The following UBE2W variants were observed in gnomAD, a reference collection of about 807,000 sequenced individuals.
UBE2W encodes ubiquitin-conjugating enzyme E2 W.
A neutral mutation model predicts 27.2 loss-of-function variants in UBE2W; 18 were observed. The observed-to-expected ratio is 0.66, with a 90% confidence interval of 0.46 to 0.98. The LOEUF is 0.98. UBE2W is among the 50% of genes least tolerant of loss of function. UBE2W has a pLI of 0.00. For missense variants in UBE2W, 90 were observed against 180.2 expected (o/e 0.50, Z 2.87); for synonymous variants, 53 against 57.2 (o/e 0.93, Z 0.33).
At position 73,790,617 on chromosome 8, in the gene UBE2W, A is replaced by C. The variant is rs1586433079; in HGVS notation, c.*3485T>G. 1.0e-6 allele frequency: 1 copy of C among 985,014 alleles called. No individual in the cohort carries two copies. Among genetic ancestry groups the C allele is most frequent in the Non-Finnish European group, 1.2e-6 (1 of 829,638 alleles). 61.0% of individuals were successfully genotyped at this position (985,014 alleles called of 1,614,324 possible). A position where few individuals can be genotyped will look rare whatever the true frequency, so the allele number is the denominator to read the frequency against. ...TAACCATAAAGGCTTAGAACTAGTGACACTGAATTCTTTATTTAAAAAAAT... is the reference window on the plus strand; with the variant it reads ...TAACCATAAAGGCTTAGAACTAGTGCCACTGAATTCTTTATTTAAAAAAAT... On this transcript the variant is annotated 3_prime_UTR_variant, in exon 6 of 6. Coordinates refer to ENST00000602593, the MANE Select transcript of UBE2W (RefSeq NM_018299.6).
intron 1 of UBE2W, among the ~76,000 whole-genome samples, chr8:73,845,717 A>AT (rs910250753): frequency 4.0e-5 from 6 of 151,630 alleles, no homozygotes; most frequent in African/African-American, 1.2e-4. Context: ...TACTAAAAAA[A>AT]TTTAAAAAAA....
intron 1 of UBE2W, among the ~76,000 whole-genome samples, chr8:73,842,716 T>C (rs938771197): frequency 2.0e-5 from 3 of 151,992 alleles, no homozygotes; most frequent in African/African-American, 7.3e-5. Context: ...AAAAACACAT[T>C]CAATTATTTT....
chr8:73,812,579 T>A (rs1045313247), intron 3 of UBE2W, among the ~76,000 whole-genome samples: 1 of 152,240 alleles, frequency 6.6e-6, no homozygotes, highest in African/African-American at 2.4e-5. Flanking sequence ...ATGTACAGAA[T>A]GGGAGTTTAC....
chr8:73,799,918 C>A (rs1808568612), intron 5 of UBE2W, among the ~76,000 whole-genome samples: 1 of 152,062 alleles, frequency 6.6e-6, no homozygotes, highest in African/African-American at 2.4e-5. Context: ...AGGTGTTATA[C>A]TGGAACAAAG....
At chr8:73,866,288 AAAATATATATATATATATAT>A (rs1811764371) in intron 1 of UBE2W, among the ~76,000 whole-genome samples, 1 of 80,344 alleles carries the variant, frequency 1.2e-5, no homozygotes, top group South Asian at 4.6e-4. Context: ...AAAAAAAAAA[AAAATATATATATATATATAT>A]ATATATATAT....
intron 1 of UBE2W, among the ~76,000 whole-genome samples, chr8:73,869,649 C>T (rs528940874): frequency 1.0e-3 from 154 of 152,122 alleles, no homozygotes; most frequent in African/African-American, 3.5e-3. Context: ...CGAGATGGTG[C>T]CACTGCACTC....
chr8:73,781,963 A>G (rs1439920914), downstream of UBE2W, among the ~76,000 whole-genome samples: 1 of 114,174 alleles, frequency 8.8e-6, no homozygotes, highest in Non-Finnish European at 1.7e-5. Flanking sequence ...TTTTTTTGAG[A>G]CAGAGTCTCG....
chr8:73,866,776 G>T (rs762459847), intron 1 of UBE2W, among the ~76,000 whole-genome samples: 10 of 152,038 alleles, frequency 6.6e-5, no homozygotes, highest in Non-Finnish European at 1.2e-4. Flanking sequence ...TTGGCTGGGC[G>T]CGGTGGCTCA....
chr8:73,856,357 A>ATTTTTTTTTTTT (rs34593904), intron 1 of UBE2W, among the ~76,000 whole-genome samples: 2 of 89,344 alleles, frequency 2.2e-5, no homozygotes, highest in African/African-American at 4.4e-5. Context: ...ACACTTATGA[A>ATTTTTTTTTTTT]TTTTTTTTTT....
chr8:73,845,416 C>T (rs1810754107), intron 1 of UBE2W, among the ~76,000 whole-genome samples: 2 of 152,284 alleles, frequency 1.3e-5, no homozygotes, highest in South Asian at 2.1e-4. Flanking sequence ...CCCCCAACCC[C>T]GTGCTCTCTG....
At chr8:73,848,505 G>A (rs1810913142) in intron 1 of UBE2W, among the ~76,000 whole-genome samples, 2 of 152,046 alleles carry the variant, frequency 1.3e-5, no homozygotes, top group South Asian at 4.1e-4. Flanking sequence ...GCAACACAGG[G>A]AGACCATGTT....
At position 73,792,280 on chromosome 8, in the gene UBE2W, T is replaced by C; in HGVS notation, c.*1822A>G. 1 of 985,656 alleles carries C rather than the reference T, an allele frequency of 1.0e-6. No homozygotes were observed. The highest frequency in any genetic ancestry group is 1.2e-6 in the Non-Finnish European group (1 of 829,758). The allele number at this position is 985,656 out of a possible 1,614,324, so 61.1% of individuals were successfully genotyped here. ...TAGAACAAAAACGGTTATAATTTTT[T>C]AAAAGTGGTAATTGTTAACTAGCAG... is the stretch of plus-strand genomic sequence containing the variant. On this transcript the variant is annotated 3_prime_UTR_variant, in exon 6 of 6. Coordinates refer to ENST00000602593, the MANE Select transcript of UBE2W (RefSeq NM_018299.6).
chr8:73,794,227 A>G, intron 5 of UBE2W, 112 bp from the exon 6 acceptor site: 3 of 1,326,764 alleles, frequency 2.3e-6, no homozygotes, highest in Non-Finnish European at 3.1e-6. Flanking sequence ...CATAGTTTAC[A>G]TGTCTGATCT....
intron 5 of UBE2W, among the ~76,000 whole-genome samples, chr8:73,799,901 G>T (rs1290294508): frequency 3.3e-5 from 5 of 152,064 alleles, no homozygotes; most frequent in African/African-American, 1.2e-4. Flanking sequence ...CATATGTCTT[G>T]GTAACTAGGT....
chr8:73,834,379 C>A (rs1329519601), intron 1 of UBE2W, among the ~76,000 whole-genome samples: 3 of 152,208 alleles, frequency 2.0e-5, no homozygotes, highest in Non-Finnish European at 2.9e-5. Context: ...TGATCACGTA[C>A]ATTTTTTTAA....
intron 4 of UBE2W, 57 bp downstream of exon 4, chr8:73,810,413 ATTAT>A: frequency 2.1e-6 from 3 of 1,444,134 alleles, no homozygotes; most frequent in South Asian, 2.7e-5. Flanking sequence ...ACATATTAAA[ATTAT>A]TTATCTACCT....
At chr8:73,822,464 T>C (rs1277536000) in intron 3 of UBE2W, among the ~76,000 whole-genome samples, 3 of 151,848 alleles carry the variant, frequency 2.0e-5, no homozygotes, top group Admixed American at 2.0e-4. Context: ...TAGCCAATCA[T>C]CTGTTGCCTG....
At chr8:73,825,059 C>T in intron 3 of UBE2W, 88 bp downstream of exon 3, 2 of 764,898 alleles carry the variant, frequency 2.6e-6, no homozygotes, top group Non-Finnish European at 4.2e-6. Flanking sequence ...ATACGTATAA[C>T]TGATTTATAT....
chr8:73,814,310 A>G (rs1402868487), intron 3 of UBE2W, among the ~76,000 whole-genome samples: 2 of 152,242 alleles, frequency 1.3e-5, no homozygotes, highest in African/African-American at 4.8e-5. Context: ...ACAACTGAAC[A>G]CAATAAATTT....
Sources: gnomAD v4.1 joint callset for allele counts (sites outside exome capture counted in the v4.1 genomes callset) on GRCh38, gnomAD v4.1.1 for gene constraint, MANE v1.5 for transcripts, NCBI Gene and HGNC (gene_info 2026-07-23, HGNC 2026-07-21) for gene names.